The following GPR39 variants were observed in gnomAD, a reference collection of about 807,000 sequenced individuals.
The protein encoded by GPR39 is zinc sensing receptor.
A neutral mutation model predicts 18.4 loss-of-function variants in GPR39; 23 were observed. The observed-to-expected ratio is 1.25, with a 90% confidence interval of 0.90 to 1.77. GPR39 has a LOEUF of 1.77. GPR39 is among the 40% of genes most tolerant of loss of function. The probability of loss-of-function intolerance (pLI) is 0.00; values close to 1 mark genes in which losing one functional copy is unlikely to be tolerated. For synonymous variants in GPR39, 280 were observed against 257.9 expected (o/e 1.09, Z -0.82); for missense variants, 647 against 602.4 (o/e 1.07, Z -0.78).
intron 1 of GPR39, among the ~76,000 whole-genome samples, chr2:132,437,436 A>T (rs1176947121): frequency 6.6e-6 from 1 of 152,038 alleles, no homozygotes; most frequent in Non-Finnish European, 1.5e-5. Flanking sequence ...AGTGTGTGTG[A>T]TTGGCTGGGG....
chr2:132,581,392 T>C (rs1268676794), intron 1 of GPR39, among the ~76,000 whole-genome samples: 1 of 151,750 alleles, frequency 6.6e-6, no homozygotes, highest in African/African-American at 2.4e-5. Context: ...AAACTCTTAG[T>C]AGGTCTGGGG....
intron 1 of GPR39, among the ~76,000 whole-genome samples, chr2:132,585,947 G>GGTT (rs1680718365): frequency 2.4e-5 from 1 of 41,994 alleles, no homozygotes; most frequent in Admixed American, 2.7e-4. Context: ...AAGCATCCCC[G>GGTT]GTTTTTTTTT....
At chr2:132,421,650 T>C (rs191739278) in intron 1 of GPR39, among the ~76,000 whole-genome samples, 2 of 152,318 alleles carry the variant, frequency 1.3e-5, no homozygotes, top group East Asian at 3.9e-4. Context: ...TGTATTTGGA[T>C]GGAACAAAGG....
chr2:132,593,929 T>C (rs999589783), intron 1 of GPR39, among the ~76,000 whole-genome samples: 16 of 152,310 alleles, frequency 1.1e-4, no homozygotes, highest in African/African-American at 3.8e-4. Flanking sequence ...TGGTCACCCA[T>C]CGTTGCCTAG....
At chr2:132,585,948 G>GTTTTTT (rs397985921) in intron 1 of GPR39, among the ~76,000 whole-genome samples, 7,048 of 62,780 alleles carry the variant, frequency 0.11, 768 homozygotes, top group East Asian at 0.18. Flanking sequence ...AGCATCCCCG[G>GTTTTTT]TTTTTTTTTT....
chr2:132,581,912 C>T (rs949732902), intron 1 of GPR39, among the ~76,000 whole-genome samples: 1 of 152,106 alleles, frequency 6.6e-6, no homozygotes, highest in Non-Finnish European at 1.5e-5. Flanking sequence ...CTGAATCTTT[C>T]TATGACTGTG....
chr2:132,431,019 G>T (rs1488039004), intron 1 of GPR39, among the ~76,000 whole-genome samples: 1 of 152,050 alleles, frequency 6.6e-6, no homozygotes, highest in Non-Finnish European at 1.5e-5. Flanking sequence ...TGGGGAGGAG[G>T]GGTCAGCAGC....
chr2:132,579,229 T>C (rs1680584208), intron 1 of GPR39, among the ~76,000 whole-genome samples: 1 of 151,964 alleles, frequency 6.6e-6, no homozygotes, highest in African/African-American at 2.4e-5. Context: ...CTTTGATTCA[T>C]GGATTATTTA....
intron 1 of GPR39, among the ~76,000 whole-genome samples, chr2:132,566,583 C>G (rs940053238): frequency 6.6e-6 from 1 of 152,204 alleles, no homozygotes; most frequent in Non-Finnish European, 1.5e-5. Context: ...CTACCCTCCT[C>G]TCCTCCATGA....
intron 1 of GPR39, among the ~76,000 whole-genome samples, chr2:132,528,691 T>C (rs1026430232): frequency 3.3e-5 from 5 of 152,198 alleles, no homozygotes; most frequent in Admixed American, 2.6e-4. Flanking sequence ...GTTCTCTTTG[T>C]AGTAATTGTG....
At chr2:132,556,581 A>T (rs1680156302) in intron 1 of GPR39, among the ~76,000 whole-genome samples, 1 of 152,178 alleles carries the variant, frequency 6.6e-6, no homozygotes. Context: ...AGGCGGTCAA[A>T]TGCCAGGTCT....
At chr2:132,550,801 T>C (rs1382659251) in intron 1 of GPR39, among the ~76,000 whole-genome samples, 4 of 152,230 alleles carry the variant, frequency 2.6e-5, no homozygotes, top group Non-Finnish European at 5.9e-5. Context: ...GATTATTCCA[T>C]TATACCTAGC....
intron 1 of GPR39, among the ~76,000 whole-genome samples, chr2:132,438,292 TTTG>T (rs886311477): frequency 6.6e-5 from 10 of 152,054 alleles, no homozygotes; most frequent in Non-Finnish European, 8.8e-5. Context: ...TTGTTGGGGT[TTTG>T]TTGTTGTTGT....
chr2:132,508,469 G>A (rs1679176786), intron 1 of GPR39, among the ~76,000 whole-genome samples: 1 of 152,078 alleles, frequency 6.6e-6, no homozygotes, highest in Admixed American at 6.6e-5. Context: ...TGCCCTCCGA[G>A]AATTGGAGAC....
chr2:132,451,061 G>T (rs901911510), intron 1 of GPR39, among the ~76,000 whole-genome samples: 1 of 152,138 alleles, frequency 6.6e-6, no homozygotes, highest in Admixed American at 6.6e-5. Flanking sequence ...GAAATGCTCT[G>T]GGAAGAGGTA....
chr2:132,449,231 G>GTTTT (rs1680591034), intron 1 of GPR39, among the ~76,000 whole-genome samples: 3 of 101,720 alleles, frequency 2.9e-5, no homozygotes, highest in South Asian at 7.1e-4. Flanking sequence ...TTTCCTTCGT[G>GTTTT]TTTTTTTGTT....
chr2:132,546,839 CAAAAAAAA>C (rs60267293), intron 1 of GPR39, among the ~76,000 whole-genome samples: 4,343 of 33,890 alleles, frequency 0.13, 130 homozygotes, highest in South Asian at 0.32. Flanking sequence ...AGCTCCACAG[CAAAAAAAA>C]AAAAAAAAAA....
chr2:132,600,647 G>C (rs1386554243), intron 1 of GPR39, among the ~76,000 whole-genome samples: 1 of 152,056 alleles, frequency 6.6e-6, no homozygotes, highest in Non-Finnish European at 1.5e-5. Flanking sequence ...AACCTACCAA[G>C]ATTGAAATAA....
intron 1 of GPR39, among the ~76,000 whole-genome samples, chr2:132,541,376 G>A (rs187613815): frequency 1.1e-3 from 161 of 152,284 alleles, no homozygotes; most frequent in Non-Finnish European, 2.0e-3. Flanking sequence ...GAGCCACCAC[G>A]CCTGGCCAGC....
Sources: allele counts gnomAD v4.1 joint callset (sites outside exome capture counted in the v4.1 genomes callset), GRCh38; gene constraint gnomAD v4.1.1; transcripts MANE v1.5; gene names NCBI Gene and HGNC (gene_info 2026-07-23, HGNC 2026-07-21).